The following GRM7 variants were observed in gnomAD, a reference collection of about 807,000 sequenced individuals.
GRM7 encodes glutamate metabotropic receptor 7, also known as metabotropic glutamate receptor 7.
Under a neutral mutation model 84.5 loss-of-function variants are expected in GRM7, and 35 were observed. The ratio of observed to expected loss-of-function variants is 0.41; its 90% CI spans 0.32 to 0.55. GRM7 has a LOEUF of 0.55. GRM7 is among the 20% of genes least tolerant of loss of function. The pLI, the probability that GRM7 is intolerant of heterozygous loss-of-function variation, is 0.19. For missense variants in GRM7, 1,003 were observed against 1,194.6 expected (o/e 0.84, Z 2.36); for synonymous variants, 487 against 455.1 (o/e 1.07, Z -0.89).
At chr3:6,888,574 C>G (rs1224854804) in intron 1 of GRM7, among the ~76,000 whole-genome samples, 1 of 152,054 alleles carries the variant, frequency 6.6e-6, no homozygotes, top group African/African-American at 2.4e-5. Flanking sequence ...GGGCTCTGTT[C>G]TGTTCCATTG....
chr3:7,653,471 C>T (rs1202644623), intron 8 of GRM7, among the ~76,000 whole-genome samples: 1 of 152,058 alleles, frequency 6.6e-6, no homozygotes, highest in Non-Finnish European at 1.5e-5. Flanking sequence ...TTCTGAGGGT[C>T]ATGTCTACTC....
intron 1 of GRM7, among the ~76,000 whole-genome samples, chr3:6,946,228 A>G (rs1698075038): frequency 6.6e-6 from 1 of 152,132 alleles, no homozygotes; most frequent in Admixed American, 6.6e-5. Context: ...TCTTGAATTA[A>G]TTTTTGTATA....
rs528490294 is a variant in GRM7 at position 7,606,424 on chromosome 3, G to A, written c.2451+27067G>A. 3.3e-5 allele frequency among the ~76,000 whole-genome samples: 5 copies of A among 152,222 alleles called. No homozygotes were observed. In the South Asian group the frequency reaches 1.0e-3, roughly 32 times the overall value. On this transcript the variant is annotated intron_variant, in intron 8 of 9. Transcript: ENST00000357716. ...AAAATTTTTTAAAAAATCAGAGGTG[G>A]GTGATTTGGACTGTTAAGATATGAC...
intron 7 of GRM7, among the ~76,000 whole-genome samples, chr3:7,498,792 A>G (rs897922021): frequency 1.3e-5 from 2 of 152,218 alleles, no homozygotes; most frequent in African/African-American, 4.8e-5. Context: ...AAATGTATAT[A>G]AAATTTCAAT....
chr3:7,739,367 TTC>T (rs1332335783), intron 9 of GRM7, among the ~76,000 whole-genome samples: 4 of 152,342 alleles, frequency 2.6e-5, no homozygotes, highest in Non-Finnish European at 5.9e-5. Context: ...CTCTTGACAT[TTC>T]TCTGTCTTGA....
intron 7 of GRM7, among the ~76,000 whole-genome samples, chr3:7,545,737 AG>A (rs1421971088): frequency 2.0e-5 from 3 of 152,104 alleles, no homozygotes; most frequent in African/African-American, 7.2e-5. Flanking sequence ...GGCAATTTTG[AG>A]GGTCTGGAAA....
rs1377565914 is a variant in GRM7 at position 7,516,084 on chromosome 3, G to C, written c.1515+54362G>C. Among the ~76,000 whole-genome samples the C allele has an allele frequency of 5.3e-5, 8 of 149,990 alleles. No individual in the cohort carries two copies. The East Asian group carries it at 1.6e-3, about 30-fold the overall frequency. ...TGGGATGCTGAGGTGGGAGGATCTT[G>C]AGGCTGGAAGGTAGAGCCCGCAGTG... On this transcript the variant is annotated intron_variant, in intron 7 of 9. Transcript: ENST00000357716.
chr3:7,692,851 T>C (rs1462540125), intron 9 of GRM7, among the ~76,000 whole-genome samples: 1 of 152,152 alleles, frequency 6.6e-6, no homozygotes, highest in Non-Finnish European at 1.5e-5. Flanking sequence ...TCATTTCTTC[T>C]TCTCGTAAGT....
chr3:7,699,431 T>C (rs62233883), intron 9 of GRM7, among the ~76,000 whole-genome samples: 3,581 of 152,280 alleles, frequency 0.024, 56 homozygotes, highest in Non-Finnish European at 0.036. Context: ...GTAGTTCTTA[T>C]AATCAGGAAA....
At chr3:7,004,275 AT>A (rs1695110109) in intron 1 of GRM7, among the ~76,000 whole-genome samples, 1 of 152,184 alleles carries the variant, frequency 6.6e-6, no homozygotes, top group South Asian at 2.1e-4. Flanking sequence ...CATAGTAAAA[AT>A]TTTTTAAACA....
At chr3:7,293,958 G>T (rs974682129) in intron 2 of GRM7, among the ~76,000 whole-genome samples, 4 of 152,124 alleles carry the variant, frequency 2.6e-5, no homozygotes, top group Admixed American at 6.5e-5. Context: ...AAAACAGTAT[G>T]TTTATTTCTC....
rs1475255245 is a variant in GRM7 at position 6,862,022 on chromosome 3, C to T, written c.519+115C>T. ...CAGGTCAGCCTTCGCTCATTTCCTC[C>T]CTGGAGATCCTGCCGAATCCCTCCC... On this transcript the variant is annotated intron_variant, in intron 1 of 9. Coordinates refer to ENST00000357716, the MANE Select transcript of GRM7 (RefSeq NM_000844.4). The surrounding 1 kb of genome is among the most constrained non-coding windows in gnomAD (Gnocchi z 5.2). 9.9e-6 allele frequency: 8 copies of T among 807,818 alleles called. No homozygotes were observed. The highest frequency in any genetic ancestry group is 1.5e-5 in the Non-Finnish European group (8 of 518,208). The allele number at this position is 807,818 out of a possible 1,614,324, so 50.0% of individuals were successfully genotyped here.
At chr3:6,943,588 T>C (rs1475226590) in intron 1 of GRM7, among the ~76,000 whole-genome samples, 1 of 152,040 alleles carries the variant, frequency 6.6e-6, no homozygotes, top group African/African-American at 2.4e-5. Flanking sequence ...CTTTGTCAAT[T>C]AGTGTAGCCT....
At chr3:7,548,282 A>C (rs1693269914) in intron 7 of GRM7, among the ~76,000 whole-genome samples, 1 of 152,224 alleles carries the variant, frequency 6.6e-6, no homozygotes, top group South Asian at 2.1e-4. Flanking sequence ...GCACCTCCTA[A>C]GTCTCTCTCT....
At chr3:7,673,891 C>A (rs953475460) in intron 8 of GRM7, among the ~76,000 whole-genome samples, 20 of 152,274 alleles carry the variant, frequency 1.3e-4, no homozygotes, top group Admixed American at 1.1e-3. Flanking sequence ...AGATCAATTT[C>A]TTCAGGATGA....
chr3:6,956,863 C>A (rs988310088), intron 1 of GRM7, among the ~76,000 whole-genome samples: 3 of 152,110 alleles, frequency 2.0e-5, no homozygotes, highest in Non-Finnish European at 4.4e-5. Context: ...TTTTAAATTA[C>A]AATTTACAAC....
chr3:6,868,824 A>G (rs775714368), intron 1 of GRM7, among the ~76,000 whole-genome samples: 2 of 152,022 alleles, frequency 1.3e-5, no homozygotes, highest in African/African-American at 4.8e-5. Flanking sequence ...TTTCAGTTTA[A>G]TGGGTTATTT....
chr3:7,693,681 C>T (rs942650169), intron 9 of GRM7: 28 of 1,524,136 alleles, frequency 1.8e-5, no homozygotes, highest in Admixed American at 5.9e-5. Flanking sequence ...TCTAGTCAAG[C>T]GATTGTCTGA....
chr3:7,550,467 TCTC>T (rs755605596), intron 7 of GRM7, among the ~76,000 whole-genome samples: 4 of 129,768 alleles, frequency 3.1e-5, no homozygotes, highest in South Asian at 6.1e-4. Flanking sequence ...TCTCTCCCTC[TCTC>T]CTTTCTTTCC....
Sources: gnomAD v4.1 joint callset for allele counts (sites outside exome capture counted in the v4.1 genomes callset) on GRCh38, gnomAD v4.1.1 for gene constraint, Gnocchi (gnomAD v3.1) non-coding constraint, MANE v1.5 for transcripts, NCBI Gene and HGNC (gene_info 2026-07-23, HGNC 2026-07-21) for gene names.